VPS13B: variants seen among roughly 807,000 people sequenced by gnomAD.
VPS13B encodes vacuolar protein sorting 13 homolog B.
VPS13B carries 285 observed loss-of-function variants against 426.4 expected under a neutral mutation model. The ratio of observed to expected loss-of-function variants is 0.67; its 90% CI spans 0.61 to 0.74. The LOEUF is 0.74. VPS13B is among the 30% of genes least tolerant of loss of function. The probability of loss-of-function intolerance (pLI) is 0.00; values close to 1 mark genes in which losing one functional copy is unlikely to be tolerated. For synonymous variants in VPS13B, 1,676 were observed against 1,676.4 expected (o/e 1.00, Z 0.01); for missense variants, 4,537 against 4,782.6 (o/e 0.95, Z 1.51).
intron 21 of VPS13B, among the ~76,000 whole-genome samples, chr8:99,428,748 A>T (rs1816893612): frequency 1.3e-5 from 2 of 152,302 alleles, no homozygotes; most frequent in South Asian, 4.2e-4. Flanking sequence ...CAAGAACTAG[A>T]AATACCATTT....
At chr8:99,099,545 T>C (rs1846615888) in intron 4 of VPS13B, among the ~76,000 whole-genome samples, 1 of 152,194 alleles carries the variant, frequency 6.6e-6, no homozygotes. Flanking sequence ...GTCTTTTTTC[T>C]CTAGGACTTC....
intron 17 of VPS13B, among the ~76,000 whole-genome samples, chr8:99,250,559 G>T (rs1358549836): frequency 1.3e-5 from 1 of 75,198 alleles, no homozygotes; most frequent in African/African-American, 4.2e-5. Context: ...GAAAAAGACT[G>T]TCTTTCTTTC....
At position 99,569,686 on chromosome 8, in the gene VPS13B, G is replaced by A. The variant is rs1588504364; in HGVS notation, c.4950-5972G>A. ...CTTAGTGTAAATATTCTGAGTCCAA[G>A]AAAGATGACCACAGCCTTTCTGACA... On this transcript the variant is annotated intron_variant, in intron 31 of 61. Transcript: ENST00000357162. Among the ~76,000 whole-genome samples, 3 of 152,284 alleles carry A rather than the reference G, an allele frequency of 2.0e-5. No individual in the cohort carries two copies. The South Asian group carries it at 6.2e-4, about 32-fold the overall frequency.
intron 30 of VPS13B, among the ~76,000 whole-genome samples, chr8:99,540,041 A>T (rs1588475948): frequency 1.4e-3 from 4 of 2,796 alleles, no homozygotes; most frequent in East Asian, 7.6e-3. Flanking sequence ...ATATATATAT[A>T]TATATATATA....
intron 3 of VPS13B, among the ~76,000 whole-genome samples, chr8:99,057,957 C>T (rs1843970227): frequency 6.6e-6 from 1 of 152,126 alleles, no homozygotes; most frequent in Admixed American, 6.6e-5. Flanking sequence ...TTCCTCAAAA[C>T]TTCTTTTCTA....
At chr8:99,357,513 A>C (rs1812243554) in intron 19 of VPS13B, among the ~76,000 whole-genome samples, 1 of 151,880 alleles carries the variant, frequency 6.6e-6, no homozygotes, top group African/African-American at 2.4e-5. Context: ...ATTTTTATTC[A>C]TTTTGTGTGC....
intron 33 of VPS13B, among the ~76,000 whole-genome samples, chr8:99,632,310 A>C (rs529659827): frequency 6.6e-6 from 1 of 152,096 alleles, no homozygotes; most frequent in Admixed American, 6.6e-5. Flanking sequence ...TTGATATTTG[A>C]GAGGAAGAAT....
chr8:99,649,924 T>C (rs1414786226), intron 34 of VPS13B, among the ~76,000 whole-genome samples: 1 of 152,094 alleles, frequency 6.6e-6, no homozygotes, highest in African/African-American at 2.4e-5. Context: ...TAGCCACAAA[T>C]TGGACTTTCC....
chr8:99,554,237 T>G (rs1213646693), intron 30 of VPS13B, among the ~76,000 whole-genome samples: 1 of 152,140 alleles, frequency 6.6e-6, no homozygotes, highest in Non-Finnish European at 1.5e-5. Flanking sequence ...AAGGTATTCT[T>G]AAAGTATTTT....
At chr8:99,033,363 C>T (rs927508632) in intron 2 of VPS13B, among the ~76,000 whole-genome samples, 4 of 152,134 alleles carry the variant, frequency 2.6e-5, no homozygotes, top group African/African-American at 9.7e-5. Context: ...TTTTGTCTTT[C>T]TGCTCTCAAT....
chr8:99,638,968 A>G (rs780136109), intron 33 of VPS13B, among the ~76,000 whole-genome samples: 121 of 152,176 alleles, frequency 8.0e-4, no homozygotes, highest in Non-Finnish European at 1.4e-3. Context: ...TGTATACTCC[A>G]TTCCCTCTAA....
chr8:99,170,309 C>A, intron 16 of VPS13B, 146 bp downstream of exon 16: 2 of 990,962 alleles, frequency 2.0e-6, no homozygotes, highest in East Asian at 2.7e-5. Context: ...TACTGAGACA[C>A]TAAAAGTCTT....
At chr8:99,850,257 A>C (rs556618216) in intron 55 of VPS13B, among the ~76,000 whole-genome samples, 84 of 137,038 alleles carry the variant, frequency 6.1e-4, no homozygotes, top group East Asian at 4.4e-3. Context: ...TTATACATAC[A>C]TACATAAGTA....
chr8:99,560,747 A>G (rs1015700614), intron 31 of VPS13B, among the ~76,000 whole-genome samples: 1 of 152,210 alleles, frequency 6.6e-6, no homozygotes, highest in Non-Finnish European at 1.5e-5. Flanking sequence ...CACAGCATCA[A>G]CTACACTAAT....
At chr8:99,521,095 A>G (rs2133668703) in intron 30 of VPS13B, 85 bp downstream of exon 30, 2 of 1,094,536 alleles carry the variant, frequency 1.8e-6, no homozygotes, top group East Asian at 2.4e-5. Context: ...TGTGGCCTGT[A>G]GAAATATTTC....
At position 99,875,608 on chromosome 8, in the gene VPS13B, TC is replaced by T; in HGVS notation, c.11937del (p.Phe3980SerfsTer8). On this transcript the variant is annotated frameshift_variant, in exon 62 of 62. Coordinates refer to ENST00000357162, the MANE Select transcript of VPS13B (RefSeq NM_152564.5). LOFTEE classifies it high-confidence loss of function. ...CTGGTTGATCCACATTTTGCTCAGG[TC>T]TTCCTTAGTAAATTTACCATGGTGA... ...HYLVDPHFAQ[V>X]FLSKFTMVKN... is the part of the protein sequence containing the mutation. 1 of 1,614,190 alleles carries T rather than the reference TC, an allele frequency of 6.2e-7. No homozygotes were observed. Among genetic ancestry groups the T allele is most frequent in the Non-Finnish European group, 8.5e-7 (1 of 1,180,032 alleles).
intron 33 of VPS13B, among the ~76,000 whole-genome samples, chr8:99,586,387 C>G (rs926759002): frequency 3.9e-5 from 6 of 152,132 alleles, no homozygotes; most frequent in African/African-American, 1.2e-4. Flanking sequence ...CAGTCTATAT[C>G]TATGCACTTA....
chr8:99,721,051 T>A lies in VPS13B; in HGVS notation c.7050+4T>A. On this transcript the variant is annotated splice_donor_region_variant and intron_variant, in intron 39 of 61. Transcript: ENST00000357162. ...AGACCTTGGTGATGTGCTACAGGTA[T>A]GTAATGACCATTCATTGTAAAATGA... 1 of 1,613,804 alleles carries A rather than the reference T, an allele frequency of 6.2e-7. No individual in the cohort carries two copies. The highest frequency in any genetic ancestry group is 2.2e-5 in the East Asian group (1 of 44,854).
intron 3 of VPS13B, among the ~76,000 whole-genome samples, chr8:99,061,408 A>C (rs1221856038): frequency 2.0e-5 from 3 of 146,964 alleles, no homozygotes; most frequent in Non-Finnish European, 3.0e-5. Context: ...ATCTGACCTG[A>C]GTTTTCTATG....
Sources: allele counts gnomAD v4.1 joint callset (sites outside exome capture counted in the v4.1 genomes callset), GRCh38; gene constraint gnomAD v4.1.1; transcripts MANE v1.5; gene names NCBI Gene and HGNC (gene_info 2026-07-23, HGNC 2026-07-21).